The following B3GALNT2 variants were observed in gnomAD, a reference collection of about 807,000 sequenced individuals.
B3GALNT2 encodes UDP-GalNAc:beta-1,3-N-acetylgalactosaminyltransferase 2.
B3GALNT2 carries 53 observed loss-of-function variants against 61.1 expected under a neutral mutation model. The observed-to-expected ratio is 0.87, with a 90% CI of 0.70 to 1.09. The LOEUF is 1.09. B3GALNT2 is among the 50% of genes least tolerant of loss of function. The pLI, the probability that B3GALNT2 is intolerant of heterozygous loss-of-function variation, is 0.00. For synonymous variants in B3GALNT2, 223 were observed against 237.4 expected, an observed-to-expected ratio of 0.94 and a Z score of 0.56; for missense variants, 544 against 623.0, an observed-to-expected ratio of 0.87 and a Z score of 1.35.
rs761646217 is a variant in B3GALNT2 at position 235,449,852 on chromosome 1, G to T, written c.*354C>A. On this transcript the variant is annotated 3_prime_UTR_variant, in exon 12 of 12. Transcript: ENST00000366600. ...ATTCAAACTCTCAGTTACTACTACA[G>T]ATTTCTGAACTAGGCCAAGTTTTAA... 4.7e-5 allele frequency: 9 copies of T among 191,472 alleles called. No individual in the cohort carries two copies. The highest frequency in any genetic ancestry group is 8.8e-5 in the Non-Finnish European group (8 of 90,998). 11.9% of individuals were successfully genotyped at this position (191,472 alleles called of 1,614,324 possible).
intron 2 of B3GALNT2, 91 bp from the exon 3 acceptor site, chr1:235,489,359 G>C: frequency 6.4e-7 from 1 of 1,552,440 alleles, no homozygotes; most frequent in South Asian, 1.2e-5. Flanking sequence ...TTTACTTTGA[G>C]ACACAAGTGT....
intron 3 of B3GALNT2, among the ~76,000 whole-genome samples, chr1:235,485,593 G>C (rs1003889249): frequency 6.6e-6 from 1 of 152,130 alleles, no homozygotes; most frequent in African/African-American, 2.4e-5. Flanking sequence ...ACTGTGCCCA[G>C]CCTTCAAATA....
intron 1 of B3GALNT2, among the ~76,000 whole-genome samples, chr1:235,501,006 G>C (rs1685557382): frequency 6.6e-6 from 1 of 152,198 alleles, no homozygotes; most frequent in Admixed American, 6.5e-5. Context: ...TGGGAGAAGG[G>C]ACTAGGCATC....
At chr1:235,465,876 G>C (rs1423245329) in intron 6 of B3GALNT2, 162 bp from the exon 7 acceptor site, 1 of 716,570 alleles carries the variant, frequency 1.4e-6, no homozygotes, top group African/African-American at 1.8e-5. Flanking sequence ...ATGACATACG[G>C]TATTCTACTA....
intron 7 of B3GALNT2, chr1:235,465,346 C>A: frequency 6.8e-6 from 2 of 293,112 alleles, no homozygotes; most frequent in Admixed American, 5.6e-5. Flanking sequence ...ATGTTCAAAA[C>A]AGGCAAATCC....
At chr1:235,476,283 C>T (rs888882416) in intron 5 of B3GALNT2, among the ~76,000 whole-genome samples, 2 of 152,106 alleles carry the variant, frequency 1.3e-5, no homozygotes, top group Admixed American at 6.5e-5. Flanking sequence ...TGATGGCACA[C>T]GCCTATAGTA....
At chr1:235,496,409 A>G (rs1393540452) in intron 1 of B3GALNT2, 1 of 726,302 alleles carries the variant, frequency 1.4e-6, no homozygotes, top group Non-Finnish European at 1.7e-6. Context: ...TATAAAGACA[A>G]TTTATTTTTA....
intron 5 of B3GALNT2, among the ~76,000 whole-genome samples, chr1:235,471,687 G>C (rs982047921): frequency 6.6e-6 from 1 of 152,094 alleles, no homozygotes; most frequent in Admixed American, 6.6e-5. Context: ...TTTTGACACA[G>C]AGCCTCGCTC....
downstream of B3GALNT2, among the ~76,000 whole-genome samples, chr1:235,443,561 G>C (rs543820539): frequency 6.6e-6 from 1 of 152,252 alleles, no homozygotes; most frequent in Non-Finnish European, 1.5e-5. Context: ...CCTTTTGGAA[G>C]CATTCCCCAA....
At chr1:235,499,536 A>G (rs1215993682) in intron 1 of B3GALNT2, among the ~76,000 whole-genome samples, 1 of 152,246 alleles carries the variant, frequency 6.6e-6, no homozygotes, top group Non-Finnish European at 1.5e-5. Context: ...CACAATCCCA[A>G]GCAAGCTCCC....
intron 2 of B3GALNT2, among the ~76,000 whole-genome samples, chr1:235,494,172 G>A (rs1007229911): frequency 6.6e-6 from 1 of 152,130 alleles, no homozygotes; most frequent in African/African-American, 2.4e-5. Flanking sequence ...AGTATATTTA[G>A]ACATGCACAT....
rs1326877752 is a variant in B3GALNT2, at chr1:235,494,694, T to A, written c.247A>T (p.Thr83Ser). ...TWMRHLLQHP[T>S]LSQRVLVKFI... ...CAGAAAACCTACCGTTGACTTAATG[T>A]GGGATGCTGTAGCAAATGTCTCATC... is the stretch of plus-strand genomic sequence containing the variant. Residue 83 changes from threonine to serine, a missense_variant, in exon 2 of 12, where the codon ACA becomes TCA. Transcript: ENST00000366600. The A allele has an allele frequency of 6.2e-7, 1 of 1,612,486 alleles. No individual in the cohort carries two copies. Among genetic ancestry groups the A allele is most frequent in the African/African-American group, 1.3e-5 (1 of 74,928 alleles).
intron 5 of B3GALNT2, among the ~76,000 whole-genome samples, chr1:235,473,655 A>G (rs908375821): frequency 2.0e-5 from 3 of 152,258 alleles, no homozygotes. Flanking sequence ...AACAGCCTTC[A>G]GCATACAGGC....
At chr1:235,479,846 G>C in intron 5 of B3GALNT2, 4 of 711,878 alleles carry the variant, frequency 5.6e-6, no homozygotes, top group Non-Finnish European at 8.1e-6. Context: ...TCAAAAAGTG[G>C]TTTTGGAACC....
intron 1 of B3GALNT2, chr1:235,496,212 G>A (rs1304489534): frequency 1.5e-5 from 3 of 204,618 alleles, no homozygotes; most frequent in Non-Finnish European, 3.1e-5. Context: ...TTGGGAGGCT[G>A]AGGCAGGAGA....
In B3GALNT2 at chr1:235,469,381, A is replaced by G. The variant is rs532332305; in HGVS notation, c.762+1469T>C. 5.3e-5 allele frequency among the ~76,000 whole-genome samples: 8 copies of G among 152,350 alleles called. 1 individual carries two copies. In the South Asian group the frequency reaches 1.7e-3, roughly 32 times the overall value. ...CCACCGTACAGACCGTTTGTTTACTAAAGTTCATTTTAAGTCTTCATATAC... is the reference window on the plus strand; with the variant it reads ...CCACCGTACAGACCGTTTGTTTACTGAAGTTCATTTTAAGTCTTCATATAC... On this transcript the variant is annotated intron_variant, in intron 6 of 11. Coordinates refer to ENST00000366600, the MANE Select transcript of B3GALNT2 (RefSeq NM_152490.5).
At chr1:235,465,389 G>C in intron 7 of B3GALNT2, 1 of 436,554 alleles carries the variant, frequency 2.3e-6, no homozygotes, top group East Asian at 4.0e-5. Context: ...TAGTTGTTAG[G>C]GGGTGGGGGG....
chr1:235,440,946 T>C, the B3GALNT2 span: 1 of 152,252 alleles, frequency 6.6e-6, no homozygotes, highest in Non-Finnish European at 1.5e-5. Context: ...TTTTATGTTA[T>C]TTCCTTTTTT....
chr1:235,496,329 C>G, intron 1 of B3GALNT2: 1 of 1,004,088 alleles, frequency 1.0e-6, no homozygotes, highest in Non-Finnish European at 1.3e-6. Flanking sequence ...AAAAAAAGTT[C>G]CATTCCAAAT....
Sources: gnomAD v4.1 joint callset for allele counts (sites outside exome capture counted in the v4.1 genomes callset) on GRCh38, gnomAD v4.1.1 for gene constraint, MANE v1.5 for transcripts, NCBI Gene and HGNC (gene_info 2026-07-23, HGNC 2026-07-21) for gene names.